KCND3: variants seen among roughly 807,000 people sequenced by gnomAD.
The protein encoded by KCND3 is potassium voltage-gated channel subfamily D member 3.
A neutral mutation model predicts 51.1 loss-of-function variants in KCND3; 9 were observed. The observed-to-expected ratio is 0.18, with a 90% CI of 0.11 to 0.31. The LOEUF is 0.31. KCND3 is among the 10% of genes least tolerant of loss of function. KCND3 has a pLI of 1.00. For missense variants in KCND3, 526 were observed against 903.8 expected, an observed-to-expected ratio of 0.58 and a Z score of 5.36; for synonymous variants, 349 against 368.0, an observed-to-expected ratio of 0.95 and a Z score of 0.59.
Position 111,775,981 on chromosome 1 carries a change from G to A in KCND3, c.*96C>T. ...GTACAATGGGGCAGGCAGAAATAGT[G>A]GGGAAAGGGGGGAGGGAGTGGTCTC... On this transcript the variant is annotated 3_prime_UTR_variant, in exon 8 of 8. Coordinates refer to ENST00000302127, the MANE Select transcript of KCND3 (RefSeq NM_001378969.1). 1 of 1,326,698 alleles carries A rather than the reference G, an allele frequency of 7.5e-7. No individual in the cohort carries two copies. Among genetic ancestry groups the A allele is most frequent in the Non-Finnish European group, 1.1e-6 (1 of 923,238 alleles). 82.2% of individuals were successfully genotyped at this position (1,326,698 alleles called of 1,614,324 possible). A position where few individuals can be genotyped will look rare whatever the true frequency, so the allele number is the denominator to read the frequency against.
At chr1:111,814,340 G>A (rs1665987363) in intron 2 of KCND3, among the ~76,000 whole-genome samples, 2 of 152,236 alleles carry the variant, frequency 1.3e-5, no homozygotes, top group Non-Finnish European at 2.9e-5. Context: ...ATGGGGCCTG[G>A]AGGAGGCGGC....
At chr1:111,868,903 C>A (rs886928809) in intron 2 of KCND3, among the ~76,000 whole-genome samples, 1 of 152,158 alleles carries the variant, frequency 6.6e-6, no homozygotes, top group African/African-American at 2.4e-5. Context: ...GCCACCACAT[C>A]CAGTTAACTT....
chr1:111,840,687 G>T (rs1355767793), intron 2 of KCND3, among the ~76,000 whole-genome samples: 1 of 152,160 alleles, frequency 6.6e-6, no homozygotes, highest in Non-Finnish European at 1.5e-5. Flanking sequence ...CACCTAAGCT[G>T]TATTCCCCTT....
At chr1:111,864,024 G>A (rs1668449114) in intron 2 of KCND3, among the ~76,000 whole-genome samples, 1 of 152,098 alleles carries the variant, frequency 6.6e-6, no homozygotes, top group Admixed American at 6.5e-5. Flanking sequence ...CTTGGATGAT[G>A]AGATAAATGG....
intron 2 of KCND3, among the ~76,000 whole-genome samples, chr1:111,873,919 T>C (rs1161492843): frequency 6.6e-6 from 1 of 151,514 alleles, no homozygotes; most frequent in African/African-American, 2.4e-5. Flanking sequence ...GGGATGGGGG[T>C]AGGTTTAATT....
rs146481629 is a variant in KCND3 at position 111,822,593 on chromosome 1, G to A, written c.1107-35487C>T. Among the ~76,000 whole-genome samples the A allele has an allele frequency of 2.3e-4, 35 of 152,286 alleles. No homozygotes were observed. The East Asian group carries it at 6.0e-3, about 26-fold the overall frequency. ...CCACTGTAAGGATAGACCACAGTTT[G>A]CTTGTCCATTAATCCACGGATGAAC... On this transcript the variant is annotated intron_variant, in intron 2 of 7. Coordinates refer to ENST00000302127, the MANE Select transcript of KCND3 (RefSeq NM_001378969.1).
chr1:111,831,224 G>T (rs1666820076), intron 2 of KCND3, among the ~76,000 whole-genome samples: 1 of 152,114 alleles, frequency 6.6e-6, no homozygotes, highest in African/African-American at 2.4e-5. Flanking sequence ...TGTCATTTTT[G>T]CTCTTCCTGT....
intron 2 of KCND3, among the ~76,000 whole-genome samples, chr1:111,807,940 A>AT (rs1665655179): frequency 6.6e-6 from 1 of 152,226 alleles, no homozygotes; most frequent in Non-Finnish European, 1.5e-5. Flanking sequence ...AAGCTTGAAC[A>AT]TTTTCTTAAG....
intron 2 of KCND3, among the ~76,000 whole-genome samples, chr1:111,925,616 C>T (rs1571858393): frequency 6.6e-6 from 1 of 152,268 alleles, no homozygotes. Flanking sequence ...AACAAGAACA[C>T]CTGCCTTCAA....
At chr1:111,957,417 C>T (rs192396747) in intron 2 of KCND3, among the ~76,000 whole-genome samples, 1 of 152,210 alleles carries the variant, frequency 6.6e-6, no homozygotes, top group African/African-American at 2.4e-5. Flanking sequence ...CATATGATCC[C>T]GCTTCTGCTA....
intron 2 of KCND3, among the ~76,000 whole-genome samples, chr1:111,811,954 G>T (rs1440056689): frequency 6.6e-6 from 1 of 152,186 alleles, no homozygotes; most frequent in South Asian, 2.1e-4. Context: ...AGCGCAGAGT[G>T]GTGATGAAGG....
intron 2 of KCND3, among the ~76,000 whole-genome samples, chr1:111,918,469 G>A (rs1444769288): frequency 6.6e-6 from 1 of 152,170 alleles, no homozygotes; most frequent in East Asian, 1.9e-4. Context: ...GAGAGACAGA[G>A]ATGAAAAGAC....
chr1:111,794,390 A>G (rs546839731), intron 2 of KCND3, among the ~76,000 whole-genome samples: 1 of 152,226 alleles, frequency 6.6e-6, no homozygotes, highest in East Asian at 1.9e-4. Flanking sequence ...TGGGGAGTCC[A>G]TTCTTTACTG....
At chr1:111,838,643 C>T (rs1338694452) in intron 2 of KCND3, among the ~76,000 whole-genome samples, 4 of 151,960 alleles carry the variant, frequency 2.6e-5, no homozygotes, top group South Asian at 2.1e-4. Context: ...GGCGACAGAG[C>T]GAGAGTCCGT....
rs551663807 is a variant in KCND3, at chr1:111,943,149, C to T, written c.1106+38472G>A. Among the ~76,000 whole-genome samples the T allele has an allele frequency of 1.3e-4, 20 of 151,986 alleles. No individual in the cohort carries two copies. The South Asian group carries it at 2.9e-3, about 22-fold the overall frequency. Reference sequence around the variant, plus strand: ...GAGGCTGCATCTCAGGCTGGATGGACGGGGCGGGGTGGCATTCTAATGGAG... The same window carrying T: ...GAGGCTGCATCTCAGGCTGGATGGATGGGGCGGGGTGGCATTCTAATGGAG... On this transcript the variant is annotated intron_variant, in intron 2 of 7. Transcript: ENST00000302127.
chr1:111,790,438 C>T (rs1664778697), intron 2 of KCND3, among the ~76,000 whole-genome samples: 1 of 152,154 alleles, frequency 6.6e-6, no homozygotes, highest in Admixed American at 6.5e-5. Context: ...ATGATGTAAA[C>T]TGTCCAGATA....
At chr1:111,808,913 C>T (rs1289029217) in intron 2 of KCND3, among the ~76,000 whole-genome samples, 11 of 152,252 alleles carry the variant, frequency 7.2e-5, no homozygotes, top group Admixed American at 2.0e-4. Flanking sequence ...GCCCTTCATT[C>T]TCAAGCACCA....
chr1:111,967,098 C>T (rs1398398008), intron 2 of KCND3, among the ~76,000 whole-genome samples: 1 of 150,914 alleles, frequency 6.6e-6, no homozygotes, highest in East Asian at 1.9e-4. Flanking sequence ...CGAGATCACG[C>T]CATTGCACTT....
At chr1:111,953,905 C>A (rs1415520290) in intron 2 of KCND3, among the ~76,000 whole-genome samples, 1 of 152,172 alleles carries the variant, frequency 6.6e-6, no homozygotes, top group Admixed American at 6.5e-5. Context: ...TGCTCCAGAT[C>A]ACTCTCTACC....
Sources: allele counts gnomAD v4.1 joint callset (sites outside exome capture counted in the v4.1 genomes callset), GRCh38; gene constraint gnomAD v4.1.1; transcripts MANE v1.5; gene names NCBI Gene and HGNC (gene_info 2026-07-23, HGNC 2026-07-21).